Variants in ARHGEF4 observed in about 807,000 individuals in gnomAD.
ARHGEF4 encodes the protein APC-stimulated guanine nucleotide exchange factor 1.
ARHGEF4 carries 119 observed loss-of-function variants against 162.0 expected under a neutral mutation model. That is an observed-to-expected ratio of 0.73 (90% CI 0.63 to 0.86). ARHGEF4 has a LOEUF of 0.86. Ranked by LOEUF, ARHGEF4 falls within the 40% of genes least tolerant of loss-of-function variation. The probability of loss-of-function intolerance (pLI) is 0.00; values close to 1 mark genes in which losing one functional copy is unlikely to be tolerated. For missense variants in ARHGEF4, 2,488 were observed against 2,456.0 expected (o/e 1.01, Z -0.28); for synonymous variants, 1,014 against 979.9 (o/e 1.03, Z -0.65).
At chr2:130,907,913 C>T (rs1559031891) in intron 1 of ARHGEF4, among the ~76,000 whole-genome samples, 3 of 151,014 alleles carry the variant, frequency 2.0e-5, no homozygotes, top group Non-Finnish European at 4.4e-5. Context: ...GCCGAGATCA[C>T]ACCACTGCAC....
chr2:130,943,191 T>C (rs1238101322), intron 3 of ARHGEF4, among the ~76,000 whole-genome samples: 1 of 152,212 alleles, frequency 6.6e-6, no homozygotes, highest in Non-Finnish European at 1.5e-5. Context: ...TTCACTCTTA[T>C]GATGTTATGT....
At chr2:130,926,046 T>TTCTTTCTTTCTC (rs1302027772) in intron 2 of ARHGEF4, among the ~76,000 whole-genome samples, 1 of 16,272 alleles carries the variant, frequency 6.1e-5, no homozygotes, top group Admixed American at 5.0e-4. Context: ...CTTTCTTTCT[T>TTCTTTCTTTCTC]TCTCTTTCTT....
Position 130,915,890 on chromosome 2 carries a change from G to C in ARHGEF4, c.1944G>C (p.Ala648=). The change falls in exon 2 of 14, where the codon GCG becomes GCC. Residue 648 remains alanine (A), a synonymous_variant. Coordinates refer to ENST00000409359, the MANE Select transcript of ARHGEF4 (RefSeq NM_001367493.1). ...QKGLQASRSN[A]GPVPETLPRD... is the part of the protein sequence containing the mutation. ...GTCTTCAGGCCAGCAGGAGCAATGC[G>C]GGGCCTGTTCCAGAAACACTGCCCC... 3 of 1,550,066 alleles carry C rather than the reference G, an allele frequency of 1.9e-6. No individual in the cohort carries two copies. Among genetic ancestry groups the C allele is most frequent in the Non-Finnish European group, 2.6e-6 (3 of 1,146,806 alleles).
chr2:130,855,329 A>G (rs1010755084), intron 1 of ARHGEF4, among the ~76,000 whole-genome samples: 3 of 152,192 alleles, frequency 2.0e-5, no homozygotes, highest in Non-Finnish European at 4.4e-5. Context: ...TTGACAATCC[A>G]CTGGGACTCA....
At chr2:130,977,047 GGTGT>G (rs984515180) in intron 4 of ARHGEF4, among the ~76,000 whole-genome samples, 1 of 150,254 alleles carries the variant, frequency 6.7e-6, no homozygotes, top group East Asian at 1.9e-4. Context: ...TGTGTGTGTT[GGTGT>G]GTGGTGTGTT....
At position 130,946,584 on chromosome 2, in the gene ARHGEF4, G is replaced by A; in HGVS notation, c.3934G>A (p.Ala1312Thr). Residue 1312 changes from alanine (A) to threonine (T), a missense_variant, in exon 4 of 14, where the codon GCT becomes ACT. Coordinates refer to ENST00000409359, the MANE Select transcript of ARHGEF4 (RefSeq NM_001367493.1). ...PRRSHPLSQS[A>T]PTGLNHMGWP... ...AAGAAGCCATCCACTCTCCCAGAGT[G>A]CTCCAACGGGACTGAACCACATGGG... 1 of 1,614,054 alleles carries A rather than the reference G, an allele frequency of 6.2e-7. No individual in the cohort carries two copies. Among genetic ancestry groups the A allele is most frequent in the Non-Finnish European group, 8.5e-7 (1 of 1,179,964 alleles).
chr2:130,976,790 G>A (rs986709346), intron 4 of ARHGEF4, among the ~76,000 whole-genome samples: 2 of 152,296 alleles, frequency 1.3e-5, no homozygotes, highest in African/African-American at 4.8e-5. Flanking sequence ...GCACAGCCTC[G>A]CCTGCAGAGA....
In ARHGEF4 at chr2:130,914,676, A is replaced by G. The variant is rs1681381108; in HGVS notation, c.730A>G (p.Ile244Val). The part of the protein sequence containing the change: ...CCELGRSWPH[I>V]HNRARALVLP... Reference sequence around the variant, plus strand: ...TGAACTGGGTCGGAGTTGGCCACATATCCACAACAGGGCCAGGGCACTGGT... The same window carrying G: ...TGAACTGGGTCGGAGTTGGCCACATGTCCACAACAGGGCCAGGGCACTGGT... The change falls in exon 2 of 14, where the codon ATC becomes GTC. Residue 244 changes from isoleucine to valine, a missense_variant. Ile to Val is a conservative substitution (Grantham distance 29, BLOSUM62 3). Around this residue, in one of 6 missense-constraint regions of ARHGEF4, gnomAD observed 1,642 missense variants for 1,481.5 expected, o/e 1.11. Coordinates refer to ENST00000409359, the MANE Select transcript of ARHGEF4 (RefSeq NM_001367493.1). 7 of 1,389,610 alleles carry G rather than the reference A, an allele frequency of 5.0e-6. No homozygotes were observed. In the South Asian group the frequency reaches 1.3e-4, roughly 26 times the overall value. 86.1% of individuals were successfully genotyped at this position (1,389,610 alleles called of 1,614,324 possible).
At chr2:130,909,142 T>TC (rs1574209022) in intron 1 of ARHGEF4, among the ~76,000 whole-genome samples, 1 of 152,192 alleles carries the variant, frequency 6.6e-6, no homozygotes, top group East Asian at 1.9e-4. Context: ...CCTGTGTATC[T>TC]GATACAGCGT....
At position 131,044,343 on chromosome 2, in the gene ARHGEF4, C is replaced by G; in HGVS notation, c.5202C>G (p.Asp1734Glu). 1.2e-5 allele frequency: 19 copies of G among 1,608,334 alleles called. No individual in the cohort carries two copies. The highest frequency in any genetic ancestry group is 1.6e-5 in the Non-Finnish European group (19 of 1,177,872). Residue 1734 changes from aspartate to glutamate, a missense_variant, in exon 12 of 14, where the codon GAC (aspartate) becomes GAG (glutamate). Physicochemically the swap from Asp to Glu is conservative, Grantham distance 45. This residue lies in a region of ARHGEF4 where 415 missense variants were observed against 512.4 expected (regional missense o/e 0.81). Transcript: ENST00000409359. The part of the protein sequence containing the change: ...RDVLYYKGRL[D>E]MDGLEVVDLE... ...TGTTGTACTACAAGGGCCGGCTGGA[C>G]ATGGACGGCCTGGAGGTGGTGGACC...
intron 4 of ARHGEF4, among the ~76,000 whole-genome samples, chr2:130,947,650 C>A (rs1417782525): frequency 6.6e-6 from 1 of 152,154 alleles, no homozygotes; most frequent in Non-Finnish European, 1.5e-5. Flanking sequence ...AGCATCACAT[C>A]ACATATCTGT....
At chr2:130,907,653 AT>A (rs945419078) in intron 1 of ARHGEF4, among the ~76,000 whole-genome samples, 5 of 152,042 alleles carry the variant, frequency 3.3e-5, no homozygotes, top group African/African-American at 1.2e-4. Flanking sequence ...TGTTCTAGCT[AT>A]AAAATTTTGT....
At chr2:130,986,476 C>G (rs1249379182) in intron 4 of ARHGEF4, among the ~76,000 whole-genome samples, 1 of 152,184 alleles carries the variant, frequency 6.6e-6, no homozygotes, top group African/African-American at 2.4e-5. Flanking sequence ...ACAAGTGCAG[C>G]AGAGGACTCA....
intron 4 of ARHGEF4, among the ~76,000 whole-genome samples, chr2:130,965,451 G>A (rs371037093): frequency 6.6e-6 from 1 of 152,208 alleles, no homozygotes; most frequent in Non-Finnish European, 1.5e-5. Context: ...TTCCTTCAAC[G>A]GAGAGTTTTC....
intron 1 of ARHGEF4, among the ~76,000 whole-genome samples, chr2:130,884,250 A>G (rs1279477928): frequency 6.6e-6 from 1 of 151,930 alleles, no homozygotes; most frequent in Non-Finnish European, 1.5e-5. Flanking sequence ...ACACGCATAC[A>G]CATGCACACA....
At chr2:130,913,171 A>G (rs1170005013) in intron 1 of ARHGEF4, among the ~76,000 whole-genome samples, 1 of 152,166 alleles carries the variant, frequency 6.6e-6, no homozygotes, top group Non-Finnish European at 1.5e-5. Context: ...AAGACAAAGC[A>G]AGACTGTGTG....
At chr2:130,977,564 G>T (rs1475574913) in intron 4 of ARHGEF4, among the ~76,000 whole-genome samples, 1 of 151,848 alleles carries the variant, frequency 6.6e-6, no homozygotes, top group African/African-American at 2.4e-5. Flanking sequence ...TTTGTGTGTT[G>T]GGCATGTTAC....
intron 4 of ARHGEF4, among the ~76,000 whole-genome samples, chr2:130,978,344 T>A (rs1685889481): frequency 6.6e-6 from 1 of 152,246 alleles, no homozygotes; most frequent in African/African-American, 2.4e-5. Flanking sequence ...TAGAGTTTTC[T>A]TCTGACATAC....
Position 130,916,686 on chromosome 2 carries a change from A to G in ARHGEF4, c.2740A>G (p.Lys914Glu). 6.4e-7 allele frequency: 1 copy of G among 1,550,654 alleles called. No homozygotes were observed. Among genetic ancestry groups the G allele is most frequent in the South Asian group, 1.2e-5 (1 of 84,062 alleles). ...CAGGGCAAGGTTGGCCTTGGCTCATAAGACCTTTTCAAACTTTATTGAGTC... is the reference window on the plus strand; with the variant it reads ...CAGGGCAAGGTTGGCCTTGGCTCATGAGACCTTTTCAAACTTTATTGAGTC... ...KLRARLALAH[K>E]TFSNFIESIV... The change falls in exon 2 of 14, where the codon AAG becomes GAG. Residue 914 changes from lysine to glutamate, a missense_variant. Coordinates refer to ENST00000409359, the MANE Select transcript of ARHGEF4 (RefSeq NM_001367493.1).
Sources: allele counts gnomAD v4.1 joint callset (sites outside exome capture counted in the v4.1 genomes callset), GRCh38; gene constraint gnomAD v4.1.1; regional missense constraint gnomAD v4.1.1; transcripts MANE v1.5; gene names NCBI Gene and HGNC (gene_info 2026-07-23, HGNC 2026-07-21).